DYRK1A: variants seen among roughly 807,000 people sequenced by gnomAD.
DYRK1A encodes the protein dual specificity tyrosine-phosphorylation-regulated kinase 1A.
Under a neutral mutation model 79.7 loss-of-function variants are expected in DYRK1A, and 9 were observed. The ratio of observed to expected loss-of-function variants is 0.11; its 90% confidence interval spans 0.07 to 0.20. DYRK1A has a LOEUF of 0.20. Ranked by LOEUF, DYRK1A falls within the 10% of genes least tolerant of loss-of-function variation. DYRK1A has a pLI of 1.00. For synonymous variants in DYRK1A, 349 were observed against 329.7 expected, an observed-to-expected ratio of 1.06 and a Z score of -0.63; for missense variants, 622 against 956.0, an observed-to-expected ratio of 0.65 and a Z score of 4.61.
chr21:37,511,107 C>T (rs1054712209), intron 11 of DYRK1A, among the ~76,000 whole-genome samples: 3 of 151,972 alleles, frequency 2.0e-5, no homozygotes, highest in Non-Finnish European at 2.9e-5. Flanking sequence ...AGATTTTGAC[C>T]CAGGGGAGGA....
intron 1 of DYRK1A, among the ~76,000 whole-genome samples, chr21:37,418,723 C>T (rs1258007743): frequency 6.6e-6 from 1 of 152,126 alleles, no homozygotes; most frequent in Non-Finnish European, 1.5e-5. Context: ...ACAAATAAAA[C>T]TATTCTGATG....
chr21:37,497,420 C>T (rs1322735194), intron 9 of DYRK1A, among the ~76,000 whole-genome samples: 1 of 152,132 alleles, frequency 6.6e-6, no homozygotes, highest in Non-Finnish European at 1.5e-5. Flanking sequence ...CCATCGAGAC[C>T]TCCTGGGCTC....
intron 1 of DYRK1A, among the ~76,000 whole-genome samples, chr21:37,377,712 C>T (rs1471290003): frequency 6.6e-6 from 1 of 152,204 alleles, no homozygotes; most frequent in Non-Finnish European, 1.5e-5. Flanking sequence ...CAGTGATCCT[C>T]CTGTCTTGTC....
At chr21:37,493,933 C>CTTTTTTTTTTTTTTTTTTTTTTTTT in intron 8 of DYRK1A, among the ~76,000 whole-genome samples, 1 of 114,228 alleles carries the variant, frequency 8.8e-6, no homozygotes, top group Non-Finnish European at 1.7e-5. Flanking sequence ...TTTAATTCTT[C>CTTTTTTTTTTTTTTTTTTTTTTTTT]TTTTTTTTTT....
At chr21:37,444,388 G>T (rs1229178964) in intron 2 of DYRK1A, among the ~76,000 whole-genome samples, 1 of 152,202 alleles carries the variant, frequency 6.6e-6, no homozygotes. Context: ...GGCATCTGGA[G>T]TGAGGAATTC....
In DYRK1A at chr21:37,512,950, C is replaced by T. The variant is rs1800118624; in HGVS notation, c.*419C>T. 1 of 158,702 alleles carries T rather than the reference C, an allele frequency of 6.3e-6. No homozygotes were observed. The highest frequency in any genetic ancestry group is 1.4e-5 in the Non-Finnish European group (1 of 72,340). The allele number at this position is 158,702 out of a possible 1,614,324, so 9.8% of individuals were successfully genotyped here. A position where few individuals can be genotyped will look rare whatever the true frequency, so the allele number is the denominator to read the frequency against. ...TTTTTTTTTTTTCTTTTTGTCCCCC[C>T]CATCCCCCTTTTTTTTTGTTTTGTT... On this transcript the variant is annotated 3_prime_UTR_variant, in exon 12 of 12. Coordinates refer to ENST00000647188, the MANE Select transcript of DYRK1A (RefSeq NM_001347721.2).
At chr21:37,481,387 G>A (rs1331828638) in intron 5 of DYRK1A, 1 of 151,976 alleles carries the variant, frequency 6.6e-6, no homozygotes, top group African/African-American at 2.4e-5. Context: ...TTCTCCTTGT[G>A]CTTTATTTAT....
chr21:37,483,328 C>CT (rs1262114572), intron 5 of DYRK1A, among the ~76,000 whole-genome samples: 1 of 152,192 alleles, frequency 6.6e-6, no homozygotes, highest in Non-Finnish European at 1.5e-5. Context: ...CCGCAACACT[C>CT]TATGTCATTA....
intron 2 of DYRK1A, among the ~76,000 whole-genome samples, chr21:37,423,845 C>T (rs1382744107): frequency 6.6e-6 from 1 of 152,036 alleles, no homozygotes; most frequent in Non-Finnish European, 1.5e-5. Flanking sequence ...TTGTCTATGT[C>T]ATAATTCTTA....
chr21:37,502,545 CTTG>C (rs948669389), intron 9 of DYRK1A: 34 of 152,176 alleles, frequency 2.2e-4, no homozygotes, highest in African/African-American at 6.5e-4. Flanking sequence ...CTCTTGTGCA[CTTG>C]TTGTATTACT....
At chr21:37,401,167 T>G in intron 1 of DYRK1A, among the ~76,000 whole-genome samples, 1 of 151,910 alleles carries the variant, frequency 6.6e-6, no homozygotes, top group Non-Finnish European at 1.5e-5. Context: ...AGAAAATAGG[T>G]TATAATTGGA....
chr21:37,467,276 TAGAGTGCAA>T (rs1177319062), intron 2 of DYRK1A, among the ~76,000 whole-genome samples: 2 of 152,338 alleles, frequency 1.3e-5, no homozygotes, highest in African/African-American at 4.8e-5. Flanking sequence ...TGCCCTGGGC[TAGAGTGCAA>T]GTGGTGCAAT....
intron 1 of DYRK1A, among the ~76,000 whole-genome samples, chr21:37,383,831 T>A (rs563912059): frequency 8.5e-4 from 97 of 114,194 alleles, no homozygotes; most frequent in African/African-American, 3.4e-3. Context: ...TGATAGGTAA[T>A]GGTGTATGTG....
chr21:37,498,290 G>C (rs1432647002), intron 9 of DYRK1A, among the ~76,000 whole-genome samples: 1 of 152,094 alleles, frequency 6.6e-6, no homozygotes. Flanking sequence ...TCACCTTTGT[G>C]TACAGCAGTG....
chr21:37,396,725 C>T (rs1007608223), intron 1 of DYRK1A, among the ~76,000 whole-genome samples: 1 of 152,020 alleles, frequency 6.6e-6, no homozygotes, highest in African/African-American at 2.4e-5. Flanking sequence ...CCTTTGAGAG[C>T]CCTTCAGGGT....
intron 2 of DYRK1A, among the ~76,000 whole-genome samples, chr21:37,426,788 C>T (rs1170837877): frequency 3.4e-5 from 5 of 148,846 alleles, no homozygotes; most frequent in Non-Finnish European, 5.9e-5. Flanking sequence ...GGTTTGGTGG[C>T]GGGCACCTTT....
In DYRK1A at chr21:37,377,439, G is replaced by A. The variant is rs192376737; in HGVS notation, c.-77+9811G>A. 4.8e-3 allele frequency among the ~76,000 whole-genome samples: 731 copies of A among 151,948 alleles called. 4 individuals carry two copies. The highest frequency in any genetic ancestry group is 0.041 in the Middle Eastern group (12 of 292). The stretch of plus-strand genomic sequence containing the variant: ...CCGCATTTTTTTTTACTTGACCTAT[G>A]TTAGAAATATTTCCATGTCAGCTCA... On this transcript the variant is annotated intron_variant, in intron 1 of 11. Coordinates refer to ENST00000647188, the MANE Select transcript of DYRK1A (RefSeq NM_001347721.2).
At chr21:37,477,031 G>A (rs1490877329) in intron 3 of DYRK1A, among the ~76,000 whole-genome samples, 1 of 152,150 alleles carries the variant, frequency 6.6e-6, no homozygotes, top group Admixed American at 6.5e-5. Flanking sequence ...TAACAATTCT[G>A]TCTTTTCGGA....
intron 2 of DYRK1A, among the ~76,000 whole-genome samples, chr21:37,431,727 A>C (rs1191573459): frequency 6.6e-6 from 1 of 152,200 alleles, no homozygotes; most frequent in Non-Finnish European, 1.5e-5. Flanking sequence ...CCCTAAACTT[A>C]AGTCTGCTTG....
Sources: gnomAD v4.1 joint callset for allele counts (sites outside exome capture counted in the v4.1 genomes callset) on GRCh38, gnomAD v4.1.1 for gene constraint, MANE v1.5 for transcripts, NCBI Gene and HGNC (gene_info 2026-07-23, HGNC 2026-07-21) for gene names.